FOXRED1: variants seen among roughly 807,000 people sequenced by gnomAD.
FOXRED1 encodes the protein FAD-dependent oxidoreductase domain-containing protein 1.
Under a neutral mutation model 57.8 loss-of-function variants are expected in FOXRED1, and 52 were observed. The ratio of observed to expected loss-of-function variants is 0.90; its 90% CI spans 0.72 to 1.13. The LOEUF (loss-of-function observed/expected upper bound fraction) is 1.13. Ranked by LOEUF, FOXRED1 falls within the 50% of genes most tolerant of loss-of-function variation. The pLI is 0.00. For synonymous variants in FOXRED1, 271 were observed against 248.3 expected (o/e 1.09, Z -0.86); for missense variants, 589 against 625.2 (o/e 0.94, Z 0.62).
Position 126,271,330 on chromosome 11 carries a change from C to G in FOXRED1, c.86-107C>G, listed in dbSNP as rs1321315847. The G allele has an allele frequency of 2.4e-6, 2 of 821,508 alleles. No homozygotes were observed. Among genetic ancestry groups the G allele is most frequent in the East Asian group, 2.5e-5 (1 of 40,296 alleles). 50.9% of individuals were successfully genotyped at this position (821,508 alleles called of 1,614,324 possible). A position where few individuals can be genotyped will look rare whatever the true frequency, so the allele number is the denominator to read the frequency against. The stretch of plus-strand genomic sequence containing the variant: ...TGAGATGGGCTGACAGTGGGGACTG[C>G]CAACTCATGTGTCTGTTTAGCTCAC... On this transcript the variant is annotated intron_variant, in intron 1 of 10. Coordinates refer to ENST00000263578, the MANE Select transcript of FOXRED1 (RefSeq NM_017547.4). This position sits in a 1 kb window ranked among gnomAD's most constrained non-coding sequence, Gnocchi z 5.3.
chr11:126,276,292 T>TGA, intron 8 of FOXRED1, 73 bp downstream of exon 8: 1 of 4,640 alleles, frequency 2.2e-4, no homozygotes, highest in Non-Finnish European at 4.1e-4. Flanking sequence ...ATAGCGTGTG[T>TGA]GTGTGTGTGT....
intron 7 of FOXRED1, 22 bp from the exon 8 acceptor site, chr11:126,276,037 C>G (rs769464542): frequency 1.9e-6 from 3 of 1,612,898 alleles, no homozygotes; most frequent in Non-Finnish European, 2.5e-6. Context: ...CCTTCCCACT[C>G]CTCACCCTCT....
chr11:126,273,376 G>A lies in FOXRED1; in HGVS notation c.458G>A (p.Arg153Gln), dbSNP rs1424108467. 2.5e-6 allele frequency: 4 copies of A among 1,613,880 alleles called. No individual in the cohort carries two copies. Among genetic ancestry groups the A allele is most frequent in the Admixed American group, 3.3e-5 (2 of 60,008 alleles). The change falls in exon 4 of 11, where the codon CGG (arginine) becomes CAG (glutamine). Residue 153 changes from arginine (R) to glutamine (Q), a missense_variant. Physicochemically the swap from Arg to Gln is conservative, Grantham distance 43 (BLOSUM62 1). Coordinates refer to ENST00000263578, the MANE Select transcript of FOXRED1 (RefSeq NM_017547.4). The surrounding 1 kb of genome is among the most constrained non-coding windows in gnomAD (Gnocchi z 5.9). ...GTCGATGCTCCTCCCCTGGACCTCC[G>A]GTTCAACCCCTCGGGCTACCTCTTG... The part of the protein sequence containing the change: ...AVVDAPPLDL[R>Q]FNPSGYLLLA...
Position 126,277,705 on chromosome 11 carries a change from A to T in FOXRED1, c.*16A>T. The stretch of plus-strand genomic sequence containing the variant: ...CATCATCTGAGCATGTGTGCTCTGC[A>T]CTGGCTCCACTGGCTTGCATCCTGG... On this transcript the variant is annotated 3_prime_UTR_variant, in exon 11 of 11. Transcript: ENST00000263578. The surrounding 1 kb of genome is among the most constrained non-coding windows in gnomAD (Gnocchi z 6.8). 1 of 1,612,400 alleles carries T rather than the reference A, an allele frequency of 6.2e-7. No homozygotes were observed. Among genetic ancestry groups the T allele is most frequent in the South Asian group, 1.1e-5 (1 of 91,068 alleles).
In FOXRED1 at chr11:126,276,159, T is replaced by G. The variant is rs1348352537; in HGVS notation, c.911T>G (p.Val304Gly). The change falls in exon 8 of 11, where the codon GTT (valine) becomes GGT (glycine). Residue 304 changes from valine to glycine, a missense_variant. Val to Gly is a moderately radical substitution (Grantham distance 109, BLOSUM62 -3). Coordinates refer to ENST00000263578, the MANE Select transcript of FOXRED1 (RefSeq NM_017547.4). ...WSAQIAALAG[V>G]GEGPPGTLQG... ...GCGCAAATCGCAGCACTGGCTGGTG[T>G]TGGAGAGGGGCCGCCTGGCACCCTG... 1 of 1,611,212 alleles carries G rather than the reference T, an allele frequency of 6.2e-7. No homozygotes were observed. The highest frequency in any genetic ancestry group is 8.5e-7 in the Non-Finnish European group (1 of 1,179,480).
In FOXRED1 at chr11:126,277,709, G is replaced by T; in HGVS notation, c.*20G>T. 6.2e-7 allele frequency: 1 copy of T among 1,612,696 alleles called. No individual in the cohort carries two copies. The highest frequency in any genetic ancestry group is 1.1e-5 in the South Asian group (1 of 91,074). On this transcript the variant is annotated 3_prime_UTR_variant, in exon 11 of 11. Coordinates refer to ENST00000263578, the MANE Select transcript of FOXRED1 (RefSeq NM_017547.4). This position sits in a 1 kb window ranked among gnomAD's most constrained non-coding sequence, Gnocchi z 6.8. ...ATCTGAGCATGTGTGCTCTGCACTG[G>T]CTCCACTGGCTTGCATCCTGGCTGT... is the stretch of plus-strand genomic sequence containing the variant.
rs1025891943 is a variant in FOXRED1, at chr11:126,271,171, A to G, written c.86-266A>G. 6.9e-6 allele frequency: 3 copies of G among 435,588 alleles called. No homozygotes were observed. The highest frequency in any genetic ancestry group is 1.3e-5 in the Non-Finnish European group (3 of 231,958). 27.0% of individuals were successfully genotyped at this position (435,588 alleles called of 1,614,324 possible). On this transcript the variant is annotated intron_variant, in intron 1 of 10. Transcript: ENST00000263578. This position sits in a 1 kb window ranked among gnomAD's most constrained non-coding sequence, Gnocchi z 5.3. ...TGTGAGTTGGGATCAGGAGAGGTCT[A>G]TGCAGGAGGTAATGTAGAAAATTAA...
Position 126,273,649 on chromosome 11 carries a change from C to T in FOXRED1, c.536+195C>T, listed in dbSNP as rs565652647. On this transcript the variant is annotated intron_variant, in intron 4 of 10. Coordinates refer to ENST00000263578, the MANE Select transcript of FOXRED1 (RefSeq NM_017547.4). The surrounding 1 kb of genome is among the most constrained non-coding windows in gnomAD (Gnocchi z 5.9). ...TACCACAGATATGGACAAAACACTG[C>T]GAGGTGCTTCCTAATTTGTCAGATC... The T allele has an allele frequency of 1.5e-5, 9 of 615,518 alleles. No homozygotes were observed. Among genetic ancestry groups the T allele is most frequent in the Admixed American group, 4.8e-5 (2 of 41,946 alleles). 38.1% of individuals were successfully genotyped at this position (615,518 alleles called of 1,614,324 possible). A position where few individuals can be genotyped will look rare whatever the true frequency, so the allele number is the denominator to read the frequency against.
Position 126,277,094 on chromosome 11 carries a change from C to T in FOXRED1, c.1125C>T (p.Asn375=), listed in dbSNP as rs1453623872. 4 of 1,613,326 alleles carry T rather than the reference C, an allele frequency of 2.5e-6. No homozygotes were observed. Among genetic ancestry groups the T allele is most frequent in the Non-Finnish European group, 3.4e-6 (4 of 1,179,658 alleles). ...AGCAGGAAGAACCGGACCCGGCGAACCTGGAAGTGGACCATGATTTCTTCC... is the reference window on the plus strand; with the variant it reads ...AGCAGGAAGAACCGGACCCGGCGAATCTGGAAGTGGACCATGATTTCTTCC... ...PTEQEEPDPA[N]LEVDHDFFQD... Residue 375 remains asparagine (N), a synonymous_variant, in exon 10 of 11, where the codon AAC becomes AAT. Coordinates refer to ENST00000263578, the MANE Select transcript of FOXRED1 (RefSeq NM_017547.4). The surrounding 1 kb of genome is among the most constrained non-coding windows in gnomAD (Gnocchi z 6.8).
Position 126,274,874 on chromosome 11 carries a change from C to A in FOXRED1, c.537-53C>A. 9.6e-7 allele frequency: 1 copy of A among 1,044,740 alleles called. No homozygotes were observed. The highest frequency in any genetic ancestry group is 1.3e-5 in the South Asian group (1 of 79,784). 64.7% of individuals were successfully genotyped at this position (1,044,740 alleles called of 1,614,324 possible). A position where few individuals can be genotyped will look rare whatever the true frequency, so the allele number is the denominator to read the frequency against. On this transcript the variant is annotated intron_variant, in intron 4 of 10. Transcript: ENST00000263578. The surrounding 1 kb of genome is among the most constrained non-coding windows in gnomAD (Gnocchi z 4.8). ...GGAGTTGGGGTCCATACATCATCCCCCTGCACACTCCCCTCTCTGACACAC... is the reference window on the plus strand; with the variant it reads ...GGAGTTGGGGTCCATACATCATCCCACTGCACACTCCCCTCTCTGACACAC...
In FOXRED1 at chr11:126,271,411, C is replaced by T. The variant is rs778814226; in HGVS notation, c.86-26C>T. On this transcript the variant is annotated intron_variant, in intron 1 of 10. Coordinates refer to ENST00000263578, the MANE Select transcript of FOXRED1 (RefSeq NM_017547.4). This position sits in a 1 kb window ranked among gnomAD's most constrained non-coding sequence, Gnocchi z 5.3. ...ACCATGTGGGAAGGAAATGTTTGGCCCTCTGACCCTAACTACATCCCACAG... is the reference window on the plus strand; with the variant it reads ...ACCATGTGGGAAGGAAATGTTTGGCTCTCTGACCCTAACTACATCCCACAG... 1.2e-5 allele frequency: 19 copies of T among 1,550,248 alleles called. No individual in the cohort carries two copies. The South Asian group carries it at 1.3e-4, about 11-fold the overall frequency.
rs139461794 is a variant in FOXRED1, at chr11:126,273,612, C to A, written c.536+158C>A. The A allele has an allele frequency of 4.7e-5, 32 of 684,954 alleles. No homozygotes were observed. In the East Asian group the frequency reaches 8.4e-4, roughly 18 times the overall value. 42.4% of individuals were successfully genotyped at this position (684,954 alleles called of 1,614,324 possible). The stretch of plus-strand genomic sequence containing the variant: ...AGAAAATACACAGACCTGCAATGCC[C>A]TGGGAGTGCTGTACCACAGATATGG... On this transcript the variant is annotated intron_variant, in intron 4 of 10. Coordinates refer to ENST00000263578, the MANE Select transcript of FOXRED1 (RefSeq NM_017547.4). The surrounding 1 kb of genome is among the most constrained non-coding windows in gnomAD (Gnocchi z 5.9).
At position 126,277,806 on chromosome 11, in the gene FOXRED1, T is replaced by C; in HGVS notation, c.*117T>C. ...GGCCTTCTCCCCCTCCCCAGTGTCCTCTCCTCTCAGGCAGGCCATTGCACC... is the reference window on the plus strand; with the variant it reads ...GGCCTTCTCCCCCTCCCCAGTGTCCCCTCCTCTCAGGCAGGCCATTGCACC... On this transcript the variant is annotated 3_prime_UTR_variant, in exon 11 of 11. Coordinates refer to ENST00000263578, the MANE Select transcript of FOXRED1 (RefSeq NM_017547.4). This position sits in a 1 kb window ranked among gnomAD's most constrained non-coding sequence, Gnocchi z 6.8. The C allele has an allele frequency of 8.7e-7, 1 of 1,152,620 alleles. No individual in the cohort carries two copies. 71.4% of individuals were successfully genotyped at this position (1,152,620 alleles called of 1,614,324 possible).
chr11:126,277,722 GCATC>G lies in FOXRED1; in HGVS notation c.*35_*38del, dbSNP rs746859965. The G allele has an allele frequency of 2.5e-6, 4 of 1,611,270 alleles. No individual in the cohort carries two copies. The highest frequency in any genetic ancestry group is 2.5e-6 in the Non-Finnish European group (3 of 1,178,442). ...TGCTCTGCACTGGCTCCACTGGCTTGCATCCTGGCTGTGTTCACAGCCTTGTTTG... is the reference window on the plus strand; with the variant it reads ...TGCTCTGCACTGGCTCCACTGGCTTGCTGGCTGTGTTCACAGCCTTGTTTG... On this transcript the variant is annotated 3_prime_UTR_variant, in exon 11 of 11. Transcript: ENST00000263578. The surrounding 1 kb of genome is among the most constrained non-coding windows in gnomAD (Gnocchi z 6.8).
At position 126,277,273 on chromosome 11, in the gene FOXRED1, A is replaced by G. The variant is rs1951180588; in HGVS notation, c.1206+98A>G. The G allele has an allele frequency of 8.5e-7, 1 of 1,172,762 alleles. No homozygotes were observed. The highest frequency in any genetic ancestry group is 1.3e-6 in the Non-Finnish European group (1 of 780,466). The allele number at this position is 1,172,762 out of a possible 1,614,324, so 72.6% of individuals were successfully genotyped here. ...GTCCCCTCGGACCCGTGACTGCCGT[A>G]GTCCCTCCATGTCACAACTGCTAAG... On this transcript the variant is annotated intron_variant, in intron 10 of 10. Transcript: ENST00000263578. The surrounding 1 kb of genome is among the most constrained non-coding windows in gnomAD (Gnocchi z 6.8).
intron 8 of FOXRED1, 87 bp downstream of exon 8, chr11:126,276,306 T>TGTGG: frequency 6.6e-4 from 1 of 1,522 alleles, no homozygotes; most frequent in Non-Finnish European, 1.1e-3. Context: ...TGTGTGTGTG[T>TGTGG]GTGTGTGTGG....
rs1198692361 is a variant in FOXRED1 at position 126,271,042 on chromosome 11, C to T, written c.86-395C>T. 1 of 318,576 alleles carries T rather than the reference C, an allele frequency of 3.1e-6. No homozygotes were observed. Among genetic ancestry groups the T allele is most frequent in the African/African-American group, 2.2e-5 (1 of 46,122 alleles). 19.7% of individuals were successfully genotyped at this position (318,576 alleles called of 1,614,324 possible). On this transcript the variant is annotated intron_variant, in intron 1 of 10. Coordinates refer to ENST00000263578, the MANE Select transcript of FOXRED1 (RefSeq NM_017547.4). This position sits in a 1 kb window ranked among gnomAD's most constrained non-coding sequence, Gnocchi z 5.3. The stretch of plus-strand genomic sequence containing the variant: ...GATATCCAGGATAAGCATGGCACCG[C>T]TTAGCGGTGACATGCTTCAGAGGGT...
intron 1 of FOXRED1, 180 bp downstream of exon 1, chr11:126,269,471 G>C: frequency 2.4e-6 from 3 of 1,235,638 alleles, no homozygotes; most frequent in Non-Finnish European, 3.5e-6. Context: ...CTCCCAAGGC[G>C]GCCCTTTTCA....
At chr11:126,270,540 A>G (rs540265104) in intron 1 of FOXRED1, among the ~76,000 whole-genome samples, 2 of 152,340 alleles carry the variant, frequency 1.3e-5, no homozygotes, top group South Asian at 4.1e-4. Flanking sequence ...TAACTAGGCA[A>G]GGAAGTGGAC....
Sources: gnomAD v4.1 joint callset for allele counts (sites outside exome capture counted in the v4.1 genomes callset) on GRCh38, gnomAD v4.1.1 for gene constraint, Gnocchi (gnomAD v3.1) non-coding constraint, MANE v1.5 for transcripts, NCBI Gene and HGNC (gene_info 2026-07-23, HGNC 2026-07-21) for gene names.